Variants in OLFM3 observed in about 807,000 individuals in gnomAD.
The protein encoded by OLFM3 is olfactomedin 3.
A neutral mutation model predicts 48.6 loss-of-function variants in OLFM3; 20 were observed. The ratio of observed to expected loss-of-function variants is 0.41; its 90% confidence interval spans 0.29 to 0.60. The LOEUF is 0.60. OLFM3 is among the 20% of genes least tolerant of loss of function. OLFM3 has a pLI of 0.28. For missense variants in OLFM3, 437 were observed against 544.3 expected (o/e 0.80, Z 1.96); for synonymous variants, 222 against 198.1 (o/e 1.12, Z -1.01).
intron 1 of OLFM3, among the ~76,000 whole-genome samples, chr1:101,988,368 C>T (rs1236010428): frequency 6.6e-6 from 1 of 152,070 alleles, no homozygotes; most frequent in African/African-American, 2.4e-5. Flanking sequence ...GTTGCAGCAA[C>T]CTAGAGAGCT....
At position 101,937,417 on chromosome 1, in the gene OLFM3, A is replaced by T. The variant is rs185823676; in HGVS notation, c.69+59331T>A. Reference sequence around the variant, plus strand: ...ATGGTTTGGCTGTGTCCCAACCTAAATCTCGTCTTTAATTCCCACATGTTG... The same window carrying T: ...ATGGTTTGGCTGTGTCCCAACCTAATTCTCGTCTTTAATTCCCACATGTTG... On this transcript the variant is annotated intron_variant, in intron 1 of 5. Transcript: ENST00000370103. Among the ~76,000 whole-genome samples the T allele has an allele frequency of 2.6e-5, 4 of 152,240 alleles. No individual in the cohort carries two copies. The East Asian group carries it at 7.7e-4, about 29-fold the overall frequency.
At chr1:101,937,651 A>G (rs1223569822) in intron 1 of OLFM3, among the ~76,000 whole-genome samples, 1 of 152,174 alleles carries the variant, frequency 6.6e-6, no homozygotes, top group Non-Finnish European at 1.5e-5. Context: ...CCCCAGCCAC[A>G]TGAAACTGTA....
In OLFM3 at chr1:101,956,086, G is replaced by GTTTTTTTTTTTTTTT. The variant is rs71592232; in HGVS notation, c.69+40647_69+40661dup. ...ATATCTCAATTCAACACAATAACAGGTTTTTTTTTTTTTTTTTAAAAAAAA... is the reference window on the plus strand; with the variant it reads ...ATATCTCAATTCAACACAATAACAGGTTTTTTTTTTTTTTTTTTTTTTTTTTTTTTTTAAAAAAAA... On this transcript the variant is annotated intron_variant, in intron 1 of 5. Coordinates refer to ENST00000370103, the MANE Select transcript of OLFM3 (RefSeq NM_058170.4). Among the ~76,000 whole-genome samples the GTTTTTTTTTTTTTTT allele has an allele frequency of 3.2e-3, 333 of 104,814 alleles. 2 individuals carry two copies. The highest frequency in any genetic ancestry group is 0.011 in the African/African-American group (276 of 25,330). 68.8% of individuals were successfully genotyped at this position (104,814 alleles called of 152,430 possible).
intron 1 of OLFM3, among the ~76,000 whole-genome samples, chr1:101,940,741 T>A: frequency 6.6e-6 from 1 of 150,532 alleles, no homozygotes; most frequent in Non-Finnish European, 1.5e-5. Flanking sequence ...TTTGTATATA[T>A]ATGTATGTAT....
chr1:101,968,162 T>C (rs1660672831), intron 1 of OLFM3, among the ~76,000 whole-genome samples: 1 of 152,166 alleles, frequency 6.6e-6, no homozygotes, highest in Non-Finnish European at 1.5e-5. Flanking sequence ...GAACAGCACA[T>C]AACTTTGTGT....
intron 4 of OLFM3, among the ~76,000 whole-genome samples, chr1:101,811,132 C>G (rs1654026903): frequency 6.6e-6 from 1 of 151,942 alleles, no homozygotes; most frequent in Admixed American, 6.6e-5. Flanking sequence ...GTTCTGAATA[C>G]AGATTAATAC....
chr1:101,877,518 T>A (rs1340126353), intron 1 of OLFM3, among the ~76,000 whole-genome samples: 7 of 151,884 alleles, frequency 4.6e-5, no homozygotes, highest in African/African-American at 1.7e-4. Flanking sequence ...TTACATAAAA[T>A]AAACAGCATC....
At chr1:101,923,539 T>C (rs1659165156) in intron 1 of OLFM3, among the ~76,000 whole-genome samples, 1 of 152,134 alleles carries the variant, frequency 6.6e-6, no homozygotes, top group Admixed American at 6.6e-5. Context: ...GTAAAATCTG[T>C]TTAAAGTTTA....
At chr1:101,966,528 A>G (rs1044097145) in intron 1 of OLFM3, among the ~76,000 whole-genome samples, 12 of 152,182 alleles carry the variant, frequency 7.9e-5, no homozygotes, top group East Asian at 1.9e-4. Flanking sequence ...CGAATTTGCC[A>G]TTTGTTCCCT....
intron 1 of OLFM3, among the ~76,000 whole-genome samples, chr1:101,894,644 A>G (rs1658131192): frequency 6.6e-6 from 1 of 152,128 alleles, no homozygotes; most frequent in South Asian, 2.1e-4. Flanking sequence ...ATTTGGCATA[A>G]TGAATGCCTA....
intron 1 of OLFM3, among the ~76,000 whole-genome samples, chr1:101,871,401 C>G (rs1215005124): frequency 1.3e-5 from 2 of 152,010 alleles, no homozygotes; most frequent in Admixed American, 1.3e-4. Flanking sequence ...TTACTGTAAA[C>G]AAAATTATAA....
At chr1:101,828,775 G>T (rs1655006071) in intron 3 of OLFM3, among the ~76,000 whole-genome samples, 1 of 152,086 alleles carries the variant, frequency 6.6e-6, no homozygotes, top group Non-Finnish European at 1.5e-5. Flanking sequence ...CTCCTGACTA[G>T]TTCCTTCTGG....
rs190125528 is a variant in OLFM3, at chr1:101,892,214, G to A, written c.70-55189C>T. Among the ~76,000 whole-genome samples the A allele has an allele frequency of 6.5e-4, 98 of 151,518 alleles. 1 individual carries two copies. The highest frequency in any genetic ancestry group is 1.3e-3 in the Admixed American group (20 of 15,162). On this transcript the variant is annotated intron_variant, in intron 1 of 5. Coordinates refer to ENST00000370103, the MANE Select transcript of OLFM3 (RefSeq NM_058170.4). ...TATACAGGTGTGCCAAGCAAGAGAT[G>A]TATTGTACTGGTTCTAGTCTCAGTT...
intron 1 of OLFM3, among the ~76,000 whole-genome samples, chr1:101,960,650 A>G (rs1044226157): frequency 9.9e-5 from 15 of 152,092 alleles, no homozygotes; most frequent in African/African-American, 3.6e-4. Flanking sequence ...AAATTGCCTT[A>G]TTAATTCTCA....
intron 1 of OLFM3, among the ~76,000 whole-genome samples, chr1:101,941,868 A>G (rs1206822406): frequency 2.0e-5 from 3 of 152,198 alleles, no homozygotes; most frequent in African/African-American, 7.2e-5. Flanking sequence ...CAGATAGAAG[A>G]CCATGCTCTT....
chr1:101,978,178 T>C (rs1273544794), intron 1 of OLFM3, among the ~76,000 whole-genome samples: 1 of 152,138 alleles, frequency 6.6e-6, no homozygotes, highest in Non-Finnish European at 1.5e-5. Flanking sequence ...TTTTCCCAAT[T>C]GTATTATGGA....
intron 1 of OLFM3, chr1:101,893,430 T>C (rs1658079545): frequency 9.9e-6 from 3 of 302,894 alleles, no homozygotes; most frequent in Non-Finnish European, 2.1e-5. Flanking sequence ...AGAAAGAAGA[T>C]AGTTTTGGGA....
chr1:101,947,436 G>C (rs911558363), intron 1 of OLFM3, among the ~76,000 whole-genome samples: 15 of 152,036 alleles, frequency 9.9e-5, no homozygotes, highest in Admixed American at 3.9e-4. Flanking sequence ...AGTTTGTTTA[G>C]GGAGGTAAGA....
intron 1 of OLFM3, among the ~76,000 whole-genome samples, chr1:101,891,852 T>C (rs1042340467): frequency 2.6e-5 from 4 of 152,028 alleles, no homozygotes; most frequent in African/African-American, 7.2e-5. Flanking sequence ...TATATTTCAC[T>C]ATGTGTTTGT....
Sources: gnomAD v4.1 joint callset for allele counts (sites outside exome capture counted in the v4.1 genomes callset) on GRCh38, gnomAD v4.1.1 for gene constraint, MANE v1.5 for transcripts, NCBI Gene and HGNC (gene_info 2026-07-23, HGNC 2026-07-21) for gene names.